The following ZKSCAN5 variants were observed in gnomAD, a reference collection of about 807,000 sequenced individuals.
ZKSCAN5 encodes zinc finger protein with KRAB and SCAN domains 5.
In ZKSCAN5, 28 loss-of-function variants were observed where a neutral mutation model predicts 60.0. That is an observed-to-expected ratio of 0.47 (90% CI 0.35 to 0.64). ZKSCAN5 has a LOEUF of 0.64. Ranked by LOEUF, ZKSCAN5 falls within the 30% of genes least tolerant of loss-of-function variation. The pLI, the probability that ZKSCAN5 is intolerant of heterozygous loss-of-function variation, is 0.01. For missense variants in ZKSCAN5, 881 were observed against 1,034.6 expected (o/e 0.85, Z 2.04); for synonymous variants, 361 against 371.2 (o/e 0.97, Z 0.31).
At chr7:99,524,105 C>CTT (rs1419206115) in intron 5 of ZKSCAN5, among the ~76,000 whole-genome samples, 1 of 148,790 alleles carries the variant, frequency 6.7e-6, no homozygotes, top group African/African-American at 2.5e-5. Flanking sequence ...GAGTCTCGCT[C>CTT]TGTCACCCAG....
intron 2 of ZKSCAN5, among the ~76,000 whole-genome samples, chr7:99,508,913 A>G (rs1800895806): frequency 6.6e-6 from 1 of 151,468 alleles, no homozygotes; most frequent in Non-Finnish European, 1.5e-5. Context: ...GGCTCAAGCA[A>G]TTCTCTTGCT....
rs1802110745 is a variant in ZKSCAN5 at position 99,532,768 on chromosome 7, G to A, written c.*519G>A. 6.4e-6 allele frequency: 1 copy of A among 155,716 alleles called. No individual in the cohort carries two copies. Among genetic ancestry groups the A allele is most frequent in the Non-Finnish European group, 1.4e-5 (1 of 70,298 alleles). 9.6% of individuals were successfully genotyped at this position (155,716 alleles called of 1,614,324 possible). On this transcript the variant is annotated 3_prime_UTR_variant, in exon 7 of 7. Transcript: ENST00000326775. ...ATACCCTAGTCACTATTCCCACTTT[G>A]AGCATTAACCCCTTTGAAAAGAAAT...
At chr7:99,517,284 G>A (rs1801307493) in intron 3 of ZKSCAN5, among the ~76,000 whole-genome samples, 1 of 152,062 alleles carries the variant, frequency 6.6e-6, no homozygotes, top group Admixed American at 6.5e-5. Context: ...GGCTGGTCTT[G>A]TACTCCCAGC....
intron 2 of ZKSCAN5, among the ~76,000 whole-genome samples, chr7:99,508,514 G>C (rs924085561): frequency 1.3e-4 from 20 of 152,154 alleles, no homozygotes; most frequent in African/African-American, 4.6e-4. Context: ...AGCACTTTGG[G>C]AGGCTGAGGC....
At chr7:99,507,717 T>C (rs1032387792) in intron 2 of ZKSCAN5, among the ~76,000 whole-genome samples, 7 of 151,228 alleles carry the variant, frequency 4.6e-5, no homozygotes, top group African/African-American at 1.7e-4. Flanking sequence ...CTGGGTAGCA[T>C]AGCGAGACCC....
In ZKSCAN5 at chr7:99,526,217, C is replaced by G; in HGVS notation, c.1177C>G (p.Gln393Glu). The G allele has an allele frequency of 6.2e-7, 1 of 1,614,190 alleles. No homozygotes were observed. The highest frequency in any genetic ancestry group is 8.5e-7 in the Non-Finnish European group (1 of 1,180,038). Residue 393 changes from glutamine (Q) to glutamate (E), a missense_variant, in exon 6 of 7, where the codon CAG becomes GAG. Transcript: ENST00000326775. ...TCAGCGGGTGCACCTCACCCAGCAC[C>G]AGCGCGTCCACACAGGGGAGAAACC... ...YNQRVHLTQHQRVHTGEKPYK... is the reference protein window; with the variant it reads ...YNQRVHLTQHERVHTGEKPYK...
intron 1 of ZKSCAN5, chr7:99,505,127 A>G (rs1193964784): frequency 6.6e-6 from 1 of 151,142 alleles, no homozygotes; most frequent in Non-Finnish European, 1.5e-5. Context: ...CCCGCGTCCC[A>G]TCTCCCCGCC....
At chr7:99,527,681 T>G (rs1287772833) in intron 6 of ZKSCAN5, among the ~76,000 whole-genome samples, 1 of 152,112 alleles carries the variant, frequency 6.6e-6, no homozygotes, top group Non-Finnish European at 1.5e-5. Context: ...TTTTTCTTTT[T>G]TTCTTTTCTT....
At chr7:99,513,123 C>T (rs1223163391) in intron 3 of ZKSCAN5, among the ~76,000 whole-genome samples, 2 of 151,780 alleles carry the variant, frequency 1.3e-5, no homozygotes, top group Non-Finnish European at 2.9e-5. Flanking sequence ...TGATGGTTTC[C>T]AATTTCATCC....
At chr7:99,506,955 C>G (rs2151092027) in intron 2 of ZKSCAN5, among the ~76,000 whole-genome samples, 1 of 151,794 alleles carries the variant, frequency 6.6e-6, no homozygotes, top group African/African-American at 2.4e-5. Context: ...CTCGGCTTCC[C>G]AAAGTGCTGG....
At chr7:99,506,854 T>C (rs1424751729) in intron 2 of ZKSCAN5, among the ~76,000 whole-genome samples, 1 of 147,674 alleles carries the variant, frequency 6.8e-6, no homozygotes, top group African/African-American at 2.5e-5. Context: ...GGCTAATTTT[T>C]TTTTTTTTTT....
intron 2 of ZKSCAN5, 101 bp from the exon 3 acceptor site, chr7:99,512,352 A>C: frequency 6.9e-7 from 1 of 1,453,792 alleles, no homozygotes; most frequent in Non-Finnish European, 9.3e-7. Flanking sequence ...TGCACATTAA[A>C]TATTTGGCAA....
Position 99,531,928 on chromosome 7 carries a change from T to TCAGCATTACAGAACTCATA in ZKSCAN5, c.2205_2223dup (p.Glu742LeufsTer13). The TCAGCATTACAGAACTCATA allele has an allele frequency of 6.2e-7, 1 of 1,614,162 alleles. No individual in the cohort carries two copies. Among genetic ancestry groups the TCAGCATTACAGAACTCATA allele is most frequent in the Non-Finnish European group, 8.5e-7 (1 of 1,180,030 alleles). The stretch of plus-strand genomic sequence containing the variant: ...CCTTTGGTTATAGCTCAGACCTCAT[T>TCAGCATTACAGAACTCATA]CAGCATTACAGAACTCATACAGCAG... On this transcript the variant is annotated frameshift_variant, in exon 7 of 7. Transcript: ENST00000326775. LOFTEE classifies it low-confidence loss of function (END_TRUNC).
At chr7:99,505,287 G>A (rs572328897) in intron 1 of ZKSCAN5, 127 of 152,382 alleles carry the variant, frequency 8.3e-4, no homozygotes, top group African/African-American at 2.9e-3. Context: ...AAGTGTTGGG[G>A]AGTGTCGGCT....
Position 99,520,231 on chromosome 7 carries a change from G to A in ZKSCAN5, c.699G>A (p.Gly233=), listed in dbSNP as rs747821806. 5 of 1,614,158 alleles carry A rather than the reference G, an allele frequency of 3.1e-6. No homozygotes were observed. The highest frequency in any genetic ancestry group is 4.2e-6 in the Non-Finnish European group (5 of 1,180,006). ...VAVSFILEEW[G]HLDQSQKSLY... ...TATCCTTCATCCTGGAGGAATGGGG[G>A]CATTTGGACCAGTCCCAGAAGTCCC... Residue 233 remains glycine, a synonymous_variant, in exon 5 of 7, where the codon GGG becomes GGA. Transcript: ENST00000326775.
Position 99,533,281 on chromosome 7 carries a change from C to T in ZKSCAN5, c.*1032C>T. On this transcript the variant is annotated 3_prime_UTR_variant, in exon 7 of 7. Coordinates refer to ENST00000326775, the MANE Select transcript of ZKSCAN5 (RefSeq NM_145102.4). Reference sequence around the variant, plus strand: ...GCAGGCAGGCAGGAGGTCCTGTTAGCCCTGCCTTCCAGGAAGGTTGGGGTG... The same window carrying T: ...GCAGGCAGGCAGGAGGTCCTGTTAGTCCTGCCTTCCAGGAAGGTTGGGGTG... 1.5e-6 allele frequency: 1 copy of T among 679,962 alleles called. No homozygotes were observed. Among genetic ancestry groups the T allele is most frequent in the East Asian group, 2.7e-5 (1 of 36,744 alleles). 42.1% of individuals were successfully genotyped at this position (679,962 alleles called of 1,614,324 possible).
At chr7:99,505,206 G>C (rs959234468) in intron 1 of ZKSCAN5, 5 of 146,426 alleles carry the variant, frequency 3.4e-5, no homozygotes, top group Admixed American at 6.7e-5. Context: ...AGTGCTTTCG[G>C]GGGGGGGTGG....
rs1327579359 is a variant in ZKSCAN5, at chr7:99,533,579, T to G, written c.*1330T>G. ...CTCTTGTTCTCCAGAAACTGGAGAA[T>G]TGCCCTCAGGAGATGAGAGCCATCT... On this transcript the variant is annotated 3_prime_UTR_variant, in exon 7 of 7. Transcript: ENST00000326775. 7.3e-6 allele frequency: 3 copies of G among 411,922 alleles called. No individual in the cohort carries two copies. Among genetic ancestry groups the G allele is most frequent in the Non-Finnish European group, 1.3e-5 (3 of 233,792 alleles). The allele number at this position is 411,922 out of a possible 1,614,324, so 25.5% of individuals were successfully genotyped here.
chr7:99,533,314 T>G lies in ZKSCAN5; in HGVS notation c.*1065T>G, dbSNP rs113338557. On this transcript the variant is annotated 3_prime_UTR_variant, in exon 7 of 7. Transcript: ENST00000326775. The stretch of plus-strand genomic sequence containing the variant: ...TCCAGGAAGGTTGGGGTGGGAGTTT[T>G]GAGTGGGAAAGAGGATGACATGTGT... 1,048 of 653,862 alleles carry G rather than the reference T, an allele frequency of 1.6e-3. 11 individuals carry two copies. The highest frequency in any genetic ancestry group is 0.016 in the African/African-American group (881 of 56,396). 40.5% of individuals were successfully genotyped at this position (653,862 alleles called of 1,614,324 possible). A position where few individuals can be genotyped will look rare whatever the true frequency, so the allele number is the denominator to read the frequency against.
Sources: allele counts gnomAD v4.1 joint callset (sites outside exome capture counted in the v4.1 genomes callset), GRCh38; gene constraint gnomAD v4.1.1; transcripts MANE v1.5; gene names NCBI Gene and HGNC (gene_info 2026-07-23, HGNC 2026-07-21).